SPAST: variants seen among roughly 807,000 people sequenced by gnomAD.
The protein encoded by SPAST is spastic paraplegia 4 (autosomal dominant; spastin).
SPAST carries 30 observed loss-of-function variants against 76.6 expected under a neutral mutation model. That is an observed-to-expected ratio of 0.39 (90% CI 0.29 to 0.53). The LOEUF (loss-of-function observed/expected upper bound fraction) is 0.53. Ranked by LOEUF, SPAST falls within the 20% of genes least tolerant of loss-of-function variation. SPAST has a pLI of 0.68. For missense variants in SPAST, 717 were observed against 770.5 expected (o/e 0.93, Z 0.82); for synonymous variants, 305 against 281.0 (o/e 1.09, Z -0.86).
chr2:32,098,050 T>G (rs572853715), intron 3 of SPAST, among the ~76,000 whole-genome samples: 11 of 152,292 alleles, frequency 7.2e-5, no homozygotes, highest in African/African-American at 2.6e-4. Context: ...CCACTTGCTC[T>G]GTAAAGCTTT....
In SPAST at chr2:32,063,988, T is replaced by A; in HGVS notation, c.157T>A (p.Phe53Ile). 1 of 1,613,398 alleles carries A rather than the reference T, an allele frequency of 6.2e-7. No individual in the cohort carries two copies. The highest frequency in any genetic ancestry group is 8.5e-7 in the Non-Finnish European group (1 of 1,179,538). The change falls in exon 1 of 17, where the codon TTC becomes ATC. Residue 53 changes from phenylalanine to isoleucine, a missense_variant. By Grantham distance (21) the Phe-to-Ile change is conservative (BLOSUM62 0). Transcript: ENST00000315285. ...ESPHKRNLYY[F>I]SYPLFVGFAL... is the part of the protein sequence containing the mutation. ...GCCGCATAAGCGGAACCTGTACTAT[T>A]TCTCCTACCCGCTGTTTGTAGGCTT...
chr2:32,151,803 G>C (rs531442821), intron 16 of SPAST, among the ~76,000 whole-genome samples: 2 of 151,930 alleles, frequency 1.3e-5, no homozygotes, highest in Non-Finnish European at 2.9e-5. Context: ...CCAGCTGCTC[G>C]GGAGGCTGAG....
intron 9 of SPAST, among the ~76,000 whole-genome samples, chr2:32,136,006 A>G (rs903415760): frequency 4.2e-4 from 64 of 151,698 alleles, no homozygotes; most frequent in Non-Finnish European, 8.8e-5. Flanking sequence ...TGAACCCAGG[A>G]GGCAAAAGTC....
At chr2:32,125,503 G>A (rs1315872741) in intron 7 of SPAST, among the ~76,000 whole-genome samples, 6 of 151,674 alleles carry the variant, frequency 4.0e-5, no homozygotes, top group South Asian at 2.1e-4. Flanking sequence ...GATTATAGGC[G>A]TGAGCCACTG....
At chr2:32,070,976 CA>C (rs1415491048) in intron 1 of SPAST, among the ~76,000 whole-genome samples, 1 of 152,176 alleles carries the variant, frequency 6.6e-6, no homozygotes, top group Non-Finnish European at 1.5e-5. Flanking sequence ...TGAATGGACT[CA>C]AAATATTGTA....
chr2:32,065,211 G>C (rs866472868), intron 1 of SPAST, among the ~76,000 whole-genome samples: 2 of 151,950 alleles, frequency 1.3e-5, no homozygotes, highest in African/African-American at 4.8e-5. Context: ...GTAGAGTAGG[G>C]ATTTCACCAT....
chr2:32,092,392 A>C (rs1677757054), intron 3 of SPAST, among the ~76,000 whole-genome samples: 1 of 152,210 alleles, frequency 6.6e-6, no homozygotes, highest in Non-Finnish European at 1.5e-5. Flanking sequence ...AGTATATATC[A>C]TACAGAATAA....
chr2:32,068,071 C>T (rs576652357), intron 1 of SPAST, among the ~76,000 whole-genome samples: 11 of 151,140 alleles, frequency 7.3e-5, no homozygotes, highest in East Asian at 1.9e-4. Flanking sequence ...CTCCGCCTCC[C>T]GGGTTCACGC....
intron 12 of SPAST, among the ~76,000 whole-genome samples, chr2:32,139,688 G>C (rs1000632828): frequency 9.2e-5 from 14 of 152,044 alleles, no homozygotes; most frequent in African/African-American, 3.1e-4. Context: ...AATTAGCCAG[G>C]CGTGGTGGTG....
At chr2:32,110,536 T>C (rs930895941) in intron 4 of SPAST, among the ~76,000 whole-genome samples, 2 of 132,526 alleles carry the variant, frequency 1.5e-5, no homozygotes, top group Non-Finnish European at 3.2e-5. Context: ...AGTGTGTATA[T>C]ATAGTATATA....
chr2:32,108,291 A>G (rs1678400461), intron 4 of SPAST, among the ~76,000 whole-genome samples: 1 of 152,202 alleles, frequency 6.6e-6, no homozygotes, highest in South Asian at 2.1e-4. Flanking sequence ...AGAGATAGCA[A>G]AAGAAAGATT....
At chr2:32,090,750 T>G (rs955029354) in intron 3 of SPAST, among the ~76,000 whole-genome samples, 1 of 152,248 alleles carries the variant, frequency 6.6e-6, no homozygotes, top group East Asian at 1.9e-4. Context: ...AGTCTGACTT[T>G]TGCTGCATGC....
chr2:32,091,649 G>A (rs958231210), intron 3 of SPAST, among the ~76,000 whole-genome samples: 3 of 150,848 alleles, frequency 2.0e-5, no homozygotes, highest in African/African-American at 7.3e-5. Flanking sequence ...TGGCTAACAC[G>A]GTGAAACCCC....
At chr2:32,104,618 C>A (rs530708507) in intron 4 of SPAST, among the ~76,000 whole-genome samples, 188 of 152,300 alleles carry the variant, frequency 1.2e-3, no homozygotes, top group African/African-American at 4.4e-3. Context: ...TTCAGTGCTT[C>A]CTTCAGGAGC....
Position 32,063,931 on chromosome 2 carries a change from C to G in SPAST, c.100C>G (p.Pro34Ala). The G allele has an allele frequency of 1.9e-6, 3 of 1,601,020 alleles. No individual in the cohort carries two copies. Among genetic ancestry groups the G allele is most frequent in the Non-Finnish European group, 2.6e-6 (3 of 1,174,060 alleles). ...GCCCCCTTGCCTGGCCCCCGCCCCT[C>G]CCGCCGCCGGGCCGGCCCCTCCGCC... ...PPPPCLAPAP[P>A]AAGPAPPPES... Residue 34 changes from proline (P) to alanine (A), a missense_variant, in exon 1 of 17, where the codon CCC becomes GCC. Transcript: ENST00000315285.
chr2:32,141,614 C>T (rs1363859125), intron 12 of SPAST, among the ~76,000 whole-genome samples: 1 of 152,162 alleles, frequency 6.6e-6, no homozygotes, highest in East Asian at 1.9e-4. Flanking sequence ...TAGTTTTTTT[C>T]AGATTCAAGA....
At position 32,082,740 on chromosome 2, in the gene SPAST, G is replaced by T. The variant is rs534992454; in HGVS notation, c.416-4752G>T. ...CTGTCCCTATGGTTTTATCTTCACT[G>T]CATGTCATATATAAATGGAAGCATG... is the stretch of plus-strand genomic sequence containing the variant. On this transcript the variant is annotated intron_variant, in intron 1 of 16. Transcript: ENST00000315285. 1.5e-4 allele frequency among the ~76,000 whole-genome samples: 23 copies of T among 152,002 alleles called. No individual in the cohort carries two copies. In the South Asian group the frequency reaches 4.8e-3, roughly 32 times the overall value.
chr2:32,083,853 A>C (rs1412723647), intron 1 of SPAST, among the ~76,000 whole-genome samples: 3 of 144,884 alleles, frequency 2.1e-5, no homozygotes, highest in Non-Finnish European at 3.0e-5. Context: ...GCTTACCGCA[A>C]CCTCAACCTC....
intron 15 of SPAST, among the ~76,000 whole-genome samples, chr2:32,145,999 T>C (rs1048160773): frequency 4.6e-5 from 7 of 152,234 alleles, no homozygotes; most frequent in Admixed American, 3.9e-4. Context: ...TTTGTTTTAC[T>C]AGTTAAAAAT....
Sources: allele counts gnomAD v4.1 joint callset (sites outside exome capture counted in the v4.1 genomes callset), GRCh38; gene constraint gnomAD v4.1.1; transcripts MANE v1.5; gene names NCBI Gene and HGNC (gene_info 2026-07-23, HGNC 2026-07-21).